RTL4: variants seen among roughly 807,000 people sequenced by gnomAD.
RTL4 encodes the protein retrotransposon Gag-like protein 4.
A neutral mutation model predicts 5.3 loss-of-function variants in RTL4; 4 were observed. The observed-to-expected ratio is 0.75, with a 90% CI of 0.37 to 1.72. The LOEUF is 1.72. Among genes scored for constraint, RTL4 ranks in the 40% most tolerant of loss-of-function variants. RTL4 has a pLI of 0.04. For missense variants in RTL4, 260 were observed against 227.1 expected (o/e 1.14, Z -0.93); for synonymous variants, 98 against 87.3 (o/e 1.12, Z -0.68).
At chrX:112,202,895 G>T in the RTL4 span, among the ~76,000 whole-genome samples, 6 of 111,455 alleles carry the variant, frequency 5.4e-5, no homozygotes, top group Non-Finnish European at 1.1e-4. Flanking sequence ...CAATATATAA[G>T]TGATCCAGTT....
At chrX:112,346,021 GTCTC>G in the RTL4 span, among the ~76,000 whole-genome samples, 5 of 111,717 alleles carry the variant, frequency 4.5e-5, no homozygotes, top group Middle Eastern at 4.6e-3. Context: ...ACATATGTGT[GTCTC>G]TCTCTGTCTC....
the RTL4 span, among the ~76,000 whole-genome samples, chrX:112,388,962 T>G: frequency 8.9e-6 from 1 of 111,776 alleles, no homozygotes; most frequent in Non-Finnish European, 1.9e-5. Context: ...CTCCTCAATT[T>G]TTTGAAATAA....
chrX:112,173,911 C>T, the RTL4 span, among the ~76,000 whole-genome samples: 1 of 110,532 alleles, frequency 9.0e-6, no homozygotes, highest in African/African-American at 3.3e-5. Flanking sequence ...ACTAAGTATT[C>T]AATAATGACT....
the RTL4 span, among the ~76,000 whole-genome samples, chrX:112,349,932 GC>G: frequency 1.8e-5 from 2 of 110,462 alleles, no homozygotes; most frequent in Non-Finnish European, 3.8e-5. Flanking sequence ...GGGCATCCCT[GC>G]CTTGTGCCAG....
At chrX:112,091,503 G>A in the RTL4 span, among the ~76,000 whole-genome samples, 215 of 111,608 alleles carry the variant, frequency 1.9e-3, 1 homozygote, top group African/African-American at 6.0e-3. Flanking sequence ...TACGTTTGTC[G>A]TTTAAGGGTT....
chrX:112,172,773 A>G, the RTL4 span, among the ~76,000 whole-genome samples: 2 of 111,921 alleles, frequency 1.8e-5, no homozygotes, highest in Non-Finnish European at 3.8e-5. Context: ...GTGCCCATCA[A>G]TGATAGACTG....
the RTL4 span, among the ~76,000 whole-genome samples, chrX:112,341,327 G>A: frequency 3.1e-4 from 35 of 111,904 alleles, no homozygotes; most frequent in African/African-American, 1.1e-3. Context: ...TATCCCCTAA[G>A]ATGTTAGAGC....
At chrX:112,116,031 G>T in the RTL4 span, among the ~76,000 whole-genome samples, 1 of 111,883 alleles carries the variant, frequency 8.9e-6, no homozygotes, top group African/African-American at 3.2e-5. Flanking sequence ...AAAAGTGGAA[G>T]CTGGTTAGAG....
chrX:112,359,470 G>A, the RTL4 span, among the ~76,000 whole-genome samples: 1 of 111,078 alleles, frequency 9.0e-6, no homozygotes, highest in Non-Finnish European at 1.9e-5. Context: ...TTATGTAATG[G>A]AAATAGCTTT....
the RTL4 span, among the ~76,000 whole-genome samples, chrX:112,433,285 T>A: frequency 9.5e-6 from 1 of 105,282 alleles, no homozygotes; most frequent in Non-Finnish European, 1.9e-5. Flanking sequence ...ATTGGTAGCT[T>A]GATGGGGATG....
chrX:112,163,838 A>ACAGGAG, the RTL4 span, among the ~76,000 whole-genome samples: 1 of 111,633 alleles, frequency 9.0e-6, no homozygotes, highest in Admixed American at 9.5e-5. Flanking sequence ...TCCCTTGAAA[A>ACAGGAG]CAGGAGAGTG....
chrX:112,226,989 C>CAAAATAAAATAAAATAAAAT, the RTL4 span, among the ~76,000 whole-genome samples: 2,471 of 95,699 alleles, frequency 0.026, 111 homozygotes, highest in African/African-American at 0.094. Context: ...TAAAATAAAA[C>CAAAATAAAATAAAATAAAAT]AAAATAAAAT....
At chrX:112,140,773 T>C in the RTL4 span, among the ~76,000 whole-genome samples, 6 of 112,200 alleles carry the variant, frequency 5.3e-5, no homozygotes, top group Non-Finnish European at 9.4e-5. Flanking sequence ...ACCATAGCAA[T>C]ATGTCTGTAT....
the RTL4 span, among the ~76,000 whole-genome samples, chrX:112,095,835 T>C: frequency 2.7e-5 from 3 of 111,633 alleles, no homozygotes; most frequent in African/African-American, 9.8e-5. Context: ...GGTCAGGGCA[T>C]TGGCTGGATT....
chrX:112,340,517 GC>G, the RTL4 span, among the ~76,000 whole-genome samples: 4,172 of 99,738 alleles, frequency 0.042, 240 homozygotes, highest in African/African-American at 0.15. Context: ...TATCTGAGAA[GC>G]TAAGTCATCT....
chrX:112,175,679 A>G, the RTL4 span, among the ~76,000 whole-genome samples: 1 of 111,585 alleles, frequency 9.0e-6, no homozygotes, highest in South Asian at 3.8e-4. Context: ...AAATTCAACA[A>G]CGCTTCATGC....
the RTL4 span, among the ~76,000 whole-genome samples, chrX:112,136,092 T>A: frequency 1.8e-5 from 2 of 110,581 alleles, no homozygotes; most frequent in African/African-American, 6.5e-5. Flanking sequence ...TTTGATACTA[T>A]TGTAAATGGG....
the RTL4 span, among the ~76,000 whole-genome samples, chrX:112,165,288 T>C: frequency 8.9e-6 from 1 of 112,490 alleles, no homozygotes; most frequent in African/African-American, 3.2e-5. Flanking sequence ...ACATACAATG[T>C]AAACAGCAAC....
chrX:112,227,168 T>A, the RTL4 span, among the ~76,000 whole-genome samples: 1 of 110,701 alleles, frequency 9.0e-6, no homozygotes, highest in South Asian at 3.8e-4. Flanking sequence ...AGAAGTTAAG[T>A]CTTTAGTTGA....
Sources: gnomAD v4.1 joint callset for allele counts (sites outside exome capture counted in the v4.1 genomes callset) on GRCh38, gnomAD v4.1.1 for gene constraint, MANE v1.5 for transcripts, NCBI Gene and HGNC (gene_info 2026-07-23, HGNC 2026-07-21) for gene names.